GALNT13: variants seen among roughly 807,000 people sequenced by gnomAD.
GALNT13 encodes the protein polypeptide N-acetylgalactosaminyltransferase 13, also known as UDP-GalNAc:polypeptide N-acetylgalactosaminyltransferase 13.
In GALNT13, 28 loss-of-function variants were observed where a neutral mutation model predicts 64.2. The ratio of observed to expected loss-of-function variants is 0.44; its 90% CI spans 0.32 to 0.60. GALNT13 has a LOEUF of 0.60. GALNT13 is among the 20% of genes least tolerant of loss of function. The pLI, the probability that GALNT13 is intolerant of heterozygous loss-of-function variation, is 0.05. For missense variants in GALNT13, 577 were observed against 669.8 expected, an observed-to-expected ratio of 0.86 and a Z score of 1.53; for synonymous variants, 214 against 224.6, an observed-to-expected ratio of 0.95 and a Z score of 0.42.
At chr2:153,561,692 G>T in the GALNT13 span, among the ~76,000 whole-genome samples, 4 of 148,448 alleles carry the variant, frequency 2.7e-5, no homozygotes, top group Admixed American at 6.7e-5. Flanking sequence ...CACCACTTAG[G>T]TTAGGTAAGA....
the GALNT13 span, among the ~76,000 whole-genome samples, chr2:153,727,633 C>T: frequency 6.6e-6 from 1 of 152,126 alleles, no homozygotes; most frequent in Admixed American, 6.5e-5. Flanking sequence ...ATATTTTCTC[C>T]ATTTTCTATT....
At chr2:153,456,611 A>C in the GALNT13 span, among the ~76,000 whole-genome samples, 100,023 of 152,098 alleles carry the variant, frequency 0.66, 33,651 homozygotes, top group Non-Finnish European at 0.73. Context: ...AGTACCTAGC[A>C]ATGAGCATCA....
intron 1 of GALNT13, among the ~76,000 whole-genome samples, chr2:153,883,573 A>AC: frequency 1.3e-5 from 2 of 152,212 alleles, no homozygotes; most frequent in Middle Eastern, 6.8e-3. Context: ...AAACAGAAAG[A>AC]CATGGCATGA....
intron 4 of GALNT13, among the ~76,000 whole-genome samples, chr2:154,209,807 A>G (rs998938660): frequency 1.3e-5 from 2 of 152,206 alleles, no homozygotes; most frequent in African/African-American, 4.8e-5. Context: ...TGGAATAATT[A>G]AATCAATCTA....
the GALNT13 span, among the ~76,000 whole-genome samples, chr2:153,669,175 C>T: frequency 2.0e-5 from 3 of 152,162 alleles, no homozygotes; most frequent in Admixed American, 6.5e-5. Flanking sequence ...CAACACACAC[C>T]AGCCCATCTG....
chr2:154,257,116 G>T (rs1573966367), intron 7 of GALNT13, among the ~76,000 whole-genome samples: 1 of 152,106 alleles, frequency 6.6e-6, no homozygotes, highest in East Asian at 1.9e-4. Flanking sequence ...AGAAAATACA[G>T]GAGTTTCTTG....
At chr2:154,252,604 C>T (rs1690133574) in intron 7 of GALNT13, among the ~76,000 whole-genome samples, 1 of 152,086 alleles carries the variant, frequency 6.6e-6, no homozygotes, top group Admixed American at 6.6e-5. Flanking sequence ...GATCCGCCTG[C>T]CTCAGCCTCC....
intron 3 of GALNT13, among the ~76,000 whole-genome samples, chr2:153,998,288 C>T (rs1365675522): frequency 6.6e-6 from 1 of 152,128 alleles, no homozygotes; most frequent in Non-Finnish European, 1.5e-5. Context: ...TATTTCTCCA[C>T]ATCCTTTCTA....
chr2:154,294,913 TC>T (rs746523968), intron 8 of GALNT13, among the ~76,000 whole-genome samples: 1 of 152,192 alleles, frequency 6.6e-6, no homozygotes, highest in Non-Finnish European at 1.5e-5. Flanking sequence ...TGGCTATACT[TC>T]AGGGTAGAAA....
At chr2:154,153,892 G>A (rs1558991755) in intron 4 of GALNT13, among the ~76,000 whole-genome samples, 2 of 152,214 alleles carry the variant, frequency 1.3e-5, no homozygotes, top group Admixed American at 6.5e-5. Flanking sequence ...CCCGAGTGAG[G>A]CAATGCCTTG....
At chr2:154,102,057 C>G (rs1426388292) in intron 3 of GALNT13, among the ~76,000 whole-genome samples, 1 of 152,012 alleles carries the variant, frequency 6.6e-6, no homozygotes, top group Non-Finnish European at 1.5e-5. Context: ...TGCTTTATTG[C>G]CAGGTATATG....
intron 3 of GALNT13, among the ~76,000 whole-genome samples, chr2:154,040,340 G>T (rs1215465521): frequency 7.1e-6 from 1 of 141,040 alleles, no homozygotes; most frequent in African/African-American, 2.4e-5. Context: ...TCTTTCTGAT[G>T]TATCTTAGGC....
intron 3 of GALNT13, among the ~76,000 whole-genome samples, chr2:154,030,760 C>T (rs1222392516): frequency 6.6e-6 from 1 of 152,034 alleles, no homozygotes; most frequent in Admixed American, 6.6e-5. Flanking sequence ...CTTCACTTGC[C>T]CTCTCTCCTG....
the GALNT13 span, among the ~76,000 whole-genome samples, chr2:153,317,119 T>C: frequency 6.6e-6 from 1 of 152,230 alleles, no homozygotes; most frequent in African/African-American, 2.4e-5. Flanking sequence ...TTAAAAACTC[T>C]TGCTAAGGGA....
chr2:153,702,164 G>A, the GALNT13 span, among the ~76,000 whole-genome samples: 1 of 152,182 alleles, frequency 6.6e-6, no homozygotes, highest in African/African-American at 2.4e-5. Flanking sequence ...AAAGGAATGA[G>A]ATCATGTTCT....
At chr2:153,345,719 G>GTCTTTCCTTCCT in the GALNT13 span, among the ~76,000 whole-genome samples, 5,907 of 80,050 alleles carry the variant, frequency 0.074, 809 homozygotes, top group Non-Finnish European at 0.086. Flanking sequence ...CTCTCTTTCT[G>GTCTTTCCTTCCT]TCCTTCCTTC....
At chr2:153,816,333 A>G in the GALNT13 span, among the ~76,000 whole-genome samples, 1 of 152,140 alleles carries the variant, frequency 6.6e-6, no homozygotes, top group Admixed American at 6.5e-5. Flanking sequence ...AGAAGGTGAC[A>G]TGGCTTCAGG....
At chr2:153,616,695 G>A in the GALNT13 span, among the ~76,000 whole-genome samples, 25 of 151,758 alleles carry the variant, frequency 1.6e-4, 1 homozygote, top group African/African-American at 5.1e-4. Context: ...ATTGTAAATG[G>A]GATTACATTT....
chr2:153,488,855 T>G, the GALNT13 span, among the ~76,000 whole-genome samples: 1 of 152,154 alleles, frequency 6.6e-6, no homozygotes, highest in Non-Finnish European at 1.5e-5. Flanking sequence ...CCCTTATTAG[T>G]GGGATTAGGT....
Sources: gnomAD v4.1 joint callset for allele counts (sites outside exome capture counted in the v4.1 genomes callset) on GRCh38, gnomAD v4.1.1 for gene constraint, MANE v1.5 for transcripts, NCBI Gene and HGNC (gene_info 2026-07-23, HGNC 2026-07-21) for gene names.